Variants in NPNT observed in about 807,000 individuals in gnomAD.
The protein encoded by NPNT is preosteoblast EGF-like repeat protein with MAM domain.
Under a neutral mutation model 68.6 loss-of-function variants are expected in NPNT, and 45 were observed. That is an observed-to-expected ratio of 0.66 (90% CI 0.52 to 0.84). The LOEUF is 0.84. NPNT is among the 40% of genes least tolerant of loss of function. The pLI, the probability that NPNT is intolerant of heterozygous loss-of-function variation, is 0.00. For synonymous variants in NPNT, 233 were observed against 253.3 expected (o/e 0.92, Z 0.76); for missense variants, 672 against 714.8 (o/e 0.94, Z 0.68).
At chr4:105,951,038 G>A (rs1730795018) in intron 8 of NPNT, among the ~76,000 whole-genome samples, 1 of 152,166 alleles carries the variant, frequency 6.6e-6, no homozygotes, top group Admixed American at 6.5e-5. Context: ...CACAGGTAAT[G>A]TTTCTGATCT....
chr4:105,957,145 A>T (rs950195631), intron 8 of NPNT, among the ~76,000 whole-genome samples: 1 of 152,146 alleles, frequency 6.6e-6, no homozygotes, highest in Non-Finnish European at 1.5e-5. Flanking sequence ...TTGGCCTTTG[A>T]CCAAGAATTC....
chr4:105,943,065 T>C (rs1730115188), intron 8 of NPNT, among the ~76,000 whole-genome samples: 1 of 152,216 alleles, frequency 6.6e-6, no homozygotes. Context: ...TCAGTGAACA[T>C]TTTTGAATGT....
rs1373951532 is a variant in NPNT, at chr4:105,942,513, C to T, written c.970C>T (p.Pro324Ser). The T allele has an allele frequency of 1.9e-6, 3 of 1,613,756 alleles. No individual in the cohort carries two copies. Among genetic ancestry groups the T allele is most frequent in the African/African-American group, 2.7e-5 (2 of 74,878 alleles). Reference sequence around the variant, plus strand: ...AACAAGACCTACACCAAAGCCAACACCAATTCCTACTCCACCACCACCACC... The same window carrying T: ...AACAAGACCTACACCAAAGCCAACATCAATTCCTACTCCACCACCACCACC... ...PTTRPTPKPT[P>S]IPTPPPPPPL... Residue 324 changes from proline (P) to serine (S), a missense_variant, in exon 8 of 12, where the codon CCA becomes TCA. Pro to Ser is a moderately conservative substitution (Grantham distance 74). Coordinates refer to ENST00000379987, the MANE Select transcript of NPNT (RefSeq NM_001033047.3).
intron 2 of NPNT, chr4:105,912,163 CT>C (rs1560894819): frequency 2.6e-6 from 4 of 1,517,236 alleles, no homozygotes; most frequent in Non-Finnish European, 3.5e-6. Flanking sequence ...TCTGGAATTT[CT>C]TTTTTTGGAC....
chr4:105,958,422 A>C (rs73836924), intron 8 of NPNT, 49 bp from the exon 9 acceptor site: 14 of 1,095,894 alleles, frequency 1.3e-5, no homozygotes, highest in Non-Finnish European at 1.8e-5. Context: ...CTCTTTATCA[A>C]TACTTCACAC....
At chr4:105,919,769 T>G (rs1012217997) in intron 2 of NPNT, among the ~76,000 whole-genome samples, 7 of 151,420 alleles carry the variant, frequency 4.6e-5, no homozygotes, top group South Asian at 4.1e-4. Context: ...GCACATATGT[T>G]GGTTTGTCCT....
intron 10 of NPNT, among the ~76,000 whole-genome samples, chr4:105,964,505 C>G (rs115111249): frequency 6.6e-6 from 1 of 152,198 alleles, no homozygotes; most frequent in Non-Finnish European, 1.5e-5. Flanking sequence ...GCAATTTACA[C>G]TTCTTCCTAC....
chr4:105,895,544 G>A lies in NPNT; in HGVS notation c.-109G>A. On this transcript the variant is annotated 5_prime_UTR_variant, in exon 1 of 12. Transcript: ENST00000379987. ...GCGGCAGCAGTAGCCCGGGCGGCGAGGGCTGGGGGTTCCTCGAGACTCTCA... is the reference window on the plus strand; with the variant it reads ...GCGGCAGCAGTAGCCCGGGCGGCGAAGGCTGGGGGTTCCTCGAGACTCTCA... 1 of 900,702 alleles carries A rather than the reference G, an allele frequency of 1.1e-6. No homozygotes were observed. Among genetic ancestry groups the A allele is most frequent in the Middle Eastern group, 3.5e-4 (1 of 2,892 alleles). 55.8% of individuals were successfully genotyped at this position (900,702 alleles called of 1,614,324 possible).
At chr4:105,968,102 A>G (rs1732315616) in intron 11 of NPNT, among the ~76,000 whole-genome samples, 1 of 152,220 alleles carries the variant, frequency 6.6e-6, no homozygotes, top group Admixed American at 6.5e-5. Context: ...GGAAAATGTC[A>G]TCATTTTGCT....
Position 105,895,574 on chromosome 4 carries a change from G to A in NPNT, c.-79G>A, listed in dbSNP as rs1725746736. The A allele has an allele frequency of 8.4e-7, 1 of 1,189,852 alleles. No homozygotes were observed. The highest frequency in any genetic ancestry group is 1.3e-5 in the South Asian group (1 of 74,182). 73.7% of individuals were successfully genotyped at this position (1,189,852 alleles called of 1,614,324 possible). A position where few individuals can be genotyped will look rare whatever the true frequency, so the allele number is the denominator to read the frequency against. On this transcript the variant is annotated 5_prime_UTR_variant, in exon 1 of 12. Transcript: ENST00000379987. ...GGGGGTTCCTCGAGACTCTCAGAGG[G>A]GCGCCTCCCATCGGCGCCCACCACC...
In NPNT at chr4:105,940,614, G is replaced by T; in HGVS notation, c.741G>T (p.Gln247His). 6.2e-7 allele frequency: 1 copy of T among 1,613,460 alleles called. No homozygotes were observed. Among genetic ancestry groups the T allele is most frequent in the South Asian group, 1.1e-5 (1 of 91,068 alleles). The change falls in exon 7 of 12, where the codon CAG (glutamine) becomes CAT (histidine). Residue 247 changes from glutamine to histidine, a missense_variant. Physicochemically the swap from Gln to His is conservative, Grantham distance 24. Transcript: ENST00000379987. ...AGTGCAAATGTAAAGAAGGATACCA[G>T]GGTGATGGACTGACTTGTGTGTGTG... is the stretch of plus-strand genomic sequence containing the variant. Reference protein sequence around the residue: ...SYKCKCKEGYQGDGLTCVYIP... With the variant: ...SYKCKCKEGYHGDGLTCVYIP...
intron 2 of NPNT, among the ~76,000 whole-genome samples, chr4:105,909,934 G>A (rs1727225839): frequency 6.6e-6 from 1 of 152,114 alleles, no homozygotes; most frequent in South Asian, 2.1e-4. Flanking sequence ...CATGGTAACT[G>A]CATCAGCAGT....
At chr4:105,911,240 T>C (rs1480902349) in intron 2 of NPNT, among the ~76,000 whole-genome samples, 5 of 152,122 alleles carry the variant, frequency 3.3e-5, no homozygotes, top group Non-Finnish European at 7.4e-5. Flanking sequence ...CAAGCAAATG[T>C]AATTTGTGTC....
intron 5 of NPNT, among the ~76,000 whole-genome samples, chr4:105,939,550 T>C (rs4699201): frequency 0.92 from 140,060 of 152,246 alleles, 64,525 homozygotes; most frequent in East Asian, 1. Context: ...CAGTAATGAT[T>C]TGATTGTATG....
chr4:105,963,927 A>T (rs747041485), intron 10 of NPNT, among the ~76,000 whole-genome samples: 2 of 151,928 alleles, frequency 1.3e-5, no homozygotes, highest in Non-Finnish European at 2.9e-5. Context: ...ATGTTCTCAG[A>T]GAGATATTTT....
intron 8 of NPNT, among the ~76,000 whole-genome samples, chr4:105,948,824 C>T (rs1385716811): frequency 1.3e-5 from 2 of 152,074 alleles, no homozygotes; most frequent in Admixed American, 6.6e-5. Flanking sequence ...TCTCCAACTC[C>T]TGAGCTCAAG....
In NPNT at chr4:105,898,036, G is replaced by A. The variant is rs760977496; in HGVS notation, c.172+35G>A. Reference sequence around the variant, plus strand: ...AAGCCTGGGGACTTCAGTTCCCTGGGAGGTGTGGCTTTCCACCTTGTTCAT... The same window carrying A: ...AAGCCTGGGGACTTCAGTTCCCTGGAAGGTGTGGCTTTCCACCTTGTTCAT... On this transcript the variant is annotated intron_variant, in intron 2 of 11. Coordinates refer to ENST00000379987, the MANE Select transcript of NPNT (RefSeq NM_001033047.3). 1.1e-5 allele frequency: 15 copies of A among 1,403,502 alleles called. No individual in the cohort carries two copies. In the South Asian group the frequency reaches 1.6e-4, roughly 15 times the overall value. 86.9% of individuals were successfully genotyped at this position (1,403,502 alleles called of 1,614,324 possible).
intron 3 of NPNT, among the ~76,000 whole-genome samples, chr4:105,933,181 C>CTAATCAGATAGCCT (rs1729250668): frequency 6.6e-6 from 1 of 152,102 alleles, no homozygotes; most frequent in African/African-American, 2.4e-5. Flanking sequence ...GTTCTGGTTC[C>CTAATCAGATAGCCT]AAGAGAGCAC....
At chr4:105,897,376 T>C (rs1308184881) in intron 1 of NPNT, among the ~76,000 whole-genome samples, 16 of 152,192 alleles carry the variant, frequency 1.1e-4, no homozygotes, top group Admixed American at 9.8e-4. Flanking sequence ...CACAGTTATG[T>C]CTCAAAAAGA....
Sources: allele counts gnomAD v4.1 joint callset (sites outside exome capture counted in the v4.1 genomes callset), GRCh38; gene constraint gnomAD v4.1.1; transcripts MANE v1.5; gene names NCBI Gene and HGNC (gene_info 2026-07-23, HGNC 2026-07-21).